MYO18A: variants seen among roughly 807,000 people sequenced by gnomAD.
MYO18A encodes the protein myosin XVIIIA.
In MYO18A, 78 loss-of-function variants were observed where a neutral mutation model predicts 235.8. The observed-to-expected ratio is 0.33, with a 90% CI of 0.28 to 0.40. The LOEUF is 0.40. Among genes scored for constraint, MYO18A ranks in the 10% least tolerant of loss-of-function variants. The probability of loss-of-function intolerance (pLI) is 1.00; values close to 1 mark genes in which losing one functional copy is unlikely to be tolerated. For synonymous variants in MYO18A, 977 were observed against 1,077.8 expected (o/e 0.91, Z 1.83); for missense variants, 2,215 against 2,699.3 (o/e 0.82, Z 3.98).
chr17:29,175,215 A>G (rs1011232909), intron 1 of MYO18A, among the ~76,000 whole-genome samples: 1 of 152,080 alleles, frequency 6.6e-6, no homozygotes, highest in Admixed American at 6.6e-5. Flanking sequence ...CTTGGCCTCC[A>G]AAGTACTGGA....
chr17:29,075,114 C>A, intron 41 of MYO18A, 200 bp from the exon 42 acceptor site: 1 of 579,630 alleles, frequency 1.7e-6, no homozygotes, highest in Non-Finnish European at 3.1e-6. Context: ...TTTTAAAGCT[C>A]CGAGGAAAGG....
At chr17:29,115,144 G>A (rs2067026578) in intron 13 of MYO18A, 45 bp from the exon 14 acceptor site, 1 of 1,565,472 alleles carries the variant, frequency 6.4e-7, no homozygotes, top group South Asian at 1.2e-5. Flanking sequence ...GTTGGCCCCG[G>A]GCACCAGGAA....
In MYO18A at chr17:29,109,781, T is replaced by G; in HGVS notation, c.3331+77A>C. 8.0e-6 allele frequency: 12 copies of G among 1,497,304 alleles called. No individual in the cohort carries two copies. Among genetic ancestry groups the G allele is most frequent in the Non-Finnish European group, 1.1e-5 (12 of 1,107,960 alleles). 92.8% of individuals were successfully genotyped at this position (1,497,304 alleles called of 1,614,324 possible). ...GAGCAGCCCCACTGCAGCCCACGGG[T>G]CGCAGGTGGGAGGTGGGGCCGGGCA... is the stretch of plus-strand genomic sequence containing the variant. On this transcript the variant is annotated intron_variant, in intron 19 of 41. Coordinates refer to ENST00000527372, the MANE Select transcript of MYO18A (RefSeq NM_078471.4). This position sits in a 1 kb window ranked among gnomAD's most constrained non-coding sequence, Gnocchi z 4.1.
intron 41 of MYO18A, chr17:29,080,151 G>A (rs1024024629): frequency 5.1e-6 from 5 of 985,908 alleles, no homozygotes; most frequent in Admixed American, 6.1e-5. Flanking sequence ...GCTCCGGGGG[G>A]TCCAGTTGGG....
At chr17:29,113,327 C>T (rs1453686876) in intron 15 of MYO18A, among the ~76,000 whole-genome samples, 1 of 152,224 alleles carries the variant, frequency 6.6e-6, no homozygotes, top group Non-Finnish European at 1.5e-5. Context: ...AATGCCAGTT[C>T]TCCAATAAAG....
chr17:29,150,573 G>A (rs2067945212), intron 2 of MYO18A, among the ~76,000 whole-genome samples: 2 of 152,254 alleles, frequency 1.3e-5, no homozygotes, highest in African/African-American at 4.8e-5. Context: ...TCTGAAGGAG[G>A]AAACAAACCT....
At chr17:29,168,616 G>A (rs966994356) in intron 1 of MYO18A, among the ~76,000 whole-genome samples, 2 of 152,128 alleles carry the variant, frequency 1.3e-5, no homozygotes, top group African/African-American at 2.4e-5. Flanking sequence ...AGGGCCCTCC[G>A]GGATCCCCAG....
chr17:29,136,359 A>G (rs970302254), intron 2 of MYO18A, among the ~76,000 whole-genome samples: 5 of 151,522 alleles, frequency 3.3e-5, no homozygotes, highest in African/African-American at 9.7e-5. Flanking sequence ...TATCCAAGAC[A>G]GAATGGGTAA....
intron 27 of MYO18A, 60 bp downstream of exon 27, chr17:29,097,157 CGACACA>C: frequency 6.3e-7 from 1 of 1,584,264 alleles, no homozygotes; most frequent in South Asian, 1.1e-5. Flanking sequence ...TTCACTGGAC[CGACACA>C]AGGCACCAGT....
Position 29,111,643 on chromosome 17 carries a change from C to G in MYO18A, c.2741-60G>C. 1.2e-5 allele frequency: 19 copies of G among 1,611,724 alleles called. No individual in the cohort carries two copies. In the South Asian group the frequency reaches 2.1e-4, roughly 18 times the overall value. ...GGTACAGGCACAAAGTGACCCCCGC[C>G]CCCTCCCAGGGAGTGCCACCTGGAC... On this transcript the variant is annotated intron_variant, in intron 16 of 41. Transcript: ENST00000527372. This position sits in a 1 kb window ranked among gnomAD's most constrained non-coding sequence, Gnocchi z 5.1.
chr17:29,177,853 G>A (rs1253368957), intron 1 of MYO18A, among the ~76,000 whole-genome samples: 1 of 152,174 alleles, frequency 6.6e-6, no homozygotes, highest in Non-Finnish European at 1.5e-5. Context: ...TCCACCCCAG[G>A]TGAGAGGATC....
At position 29,074,033 on chromosome 17, in the gene MYO18A, G is replaced by A. The variant is rs1215791877; in HGVS notation, c.*737C>T. ...TGGGGTGGGGGCTGGAGGTGCGGAT[G>A]GTCCACACACACACTTGTCTGCGTA... is the stretch of plus-strand genomic sequence containing the variant. On this transcript the variant is annotated 3_prime_UTR_variant, in exon 42 of 42. Coordinates refer to ENST00000527372, the MANE Select transcript of MYO18A (RefSeq NM_078471.4). The surrounding 1 kb of genome is among the most constrained non-coding windows in gnomAD (Gnocchi z 4.4). 2 of 1,613,910 alleles carry A rather than the reference G, an allele frequency of 1.2e-6. No individual in the cohort carries two copies. The highest frequency in any genetic ancestry group is 1.7e-6 in the Non-Finnish European group (2 of 1,180,014).
intron 41 of MYO18A, chr17:29,081,117 CA>C: frequency 3.4e-6 from 2 of 584,806 alleles, no homozygotes; most frequent in Non-Finnish European, 4.3e-6. Context: ...AATAAAGACA[CA>C]GGGGGAGGGA....
intron 2 of MYO18A, among the ~76,000 whole-genome samples, chr17:29,150,523 G>A (rs926196884): frequency 1.4e-4 from 22 of 152,258 alleles, no homozygotes; most frequent in South Asian, 8.3e-4. Flanking sequence ...TTCTTGAGAG[G>A]AAGGGGAAAT....
At chr17:29,089,754 G>A (rs190347108) in intron 37 of MYO18A, among the ~76,000 whole-genome samples, 52 of 152,356 alleles carry the variant, frequency 3.4e-4, no homozygotes, top group African/African-American at 1.3e-3. Context: ...CACGGAAACA[G>A]AATGTAAAGC....
chr17:29,103,777 T>A, intron 20 of MYO18A, 113 bp from the exon 21 acceptor site: 1 of 967,180 alleles, frequency 1.0e-6, no homozygotes, highest in Non-Finnish European at 1.6e-6. Context: ...CTGTTATTCA[T>A]GCACTTGCGT....
intron 41 of MYO18A, chr17:29,078,658 C>G (rs1251520242): frequency 6.6e-6 from 1 of 152,258 alleles, no homozygotes; most frequent in African/African-American, 2.4e-5. Flanking sequence ...ATGCCAAAAA[C>G]AGCTTCACAT....
In MYO18A at chr17:29,074,794, G is replaced by A. The variant is rs1435168075; in HGVS notation, c.6141C>T (p.Ala2047=). Residue 2047 remains alanine, a synonymous_variant, in exon 42 of 42, where the codon GCC becomes GCT. Transcript: ENST00000527372. The surrounding 1 kb of genome is among the most constrained non-coding windows in gnomAD (Gnocchi z 4.4). ...HSYLSDSDTE[A]KLTETNA ...GCTATGCGTTAGTCTCCGTCAGCTT[G>A]GCCTCTGTGTCGCTGTCACTCAGAT... The A allele has an allele frequency of 6.2e-7, 1 of 1,613,826 alleles. No individual in the cohort carries two copies. The highest frequency in any genetic ancestry group is 8.5e-7 in the Non-Finnish European group (1 of 1,179,896).
At chr17:29,082,817 C>G (rs558801557) in intron 40 of MYO18A, among the ~76,000 whole-genome samples, 2 of 152,336 alleles carry the variant, frequency 1.3e-5, no homozygotes, top group African/African-American at 4.8e-5. Flanking sequence ...CTCCTTGAGG[C>G]CTACTCTGCT....
Sources: gnomAD v4.1 joint callset for allele counts (sites outside exome capture counted in the v4.1 genomes callset) on GRCh38, gnomAD v4.1.1 for gene constraint, Gnocchi (gnomAD v3.1) non-coding constraint, MANE v1.5 for transcripts, NCBI Gene and HGNC (gene_info 2026-07-23, HGNC 2026-07-21) for gene names.